Variants in MYO7A observed in about 807,000 individuals in gnomAD.
MYO7A encodes unconventional myosin-VIIa.
A neutral mutation model predicts 263.8 loss-of-function variants in MYO7A; 210 were observed. The observed-to-expected ratio is 0.80, with a 90% CI of 0.71 to 0.89. The LOEUF (loss-of-function observed/expected upper bound fraction) is 0.89, where lower values mean the gene tolerates loss of function less well. Among genes scored for constraint, MYO7A ranks in the 40% least tolerant of loss-of-function variants. MYO7A has a pLI of 0.00. For missense variants in MYO7A, 2,820 were observed against 2,968.3 expected (o/e 0.95, Z 1.16); for synonymous variants, 1,239 against 1,197.3 (o/e 1.03, Z -0.72).
At position 77,158,252 on chromosome 11, in the gene MYO7A, C is replaced by A. The variant is rs575609158; in HGVS notation, c.850-25C>A. ...GGGGTACACTGACGTCCTCTTGCAC[C>A]CCACTCTCCCACCCTGCCCACCAGG... On this transcript the variant is annotated intron_variant, in intron 8 of 48. Coordinates refer to ENST00000409709, the MANE Select transcript of MYO7A (RefSeq NM_000260.4). 7 of 1,563,264 alleles carry A rather than the reference C, an allele frequency of 4.5e-6. No individual in the cohort carries two copies. The African/African-American group carries it at 9.5e-5, about 21-fold the overall frequency.
intron 2 of MYO7A, chr11:77,142,418 C>A: frequency 6.2e-5 from 12 of 194,002 alleles, no homozygotes; most frequent in East Asian, 1.6e-4. Flanking sequence ...GGTGTAGATC[C>A]ATGGGGAGAG....
At chr11:77,137,588 G>A (rs1488776962) in intron 2 of MYO7A, among the ~76,000 whole-genome samples, 1 of 152,176 alleles carries the variant, frequency 6.6e-6, no homozygotes, top group African/African-American at 2.4e-5. Flanking sequence ...GGTGGCCTCT[G>A]GCTCACAGCC....
chr11:77,162,461 A>G, intron 13 of MYO7A, 131 bp downstream of exon 13: 2 of 897,304 alleles, frequency 2.2e-6, no homozygotes, highest in Non-Finnish European at 3.5e-6. Flanking sequence ...CTCAGGGGCC[A>G]ATTCAAGTAT....
In MYO7A at chr11:77,213,985, G is replaced by A. The variant is rs1160405376; in HGVS notation, c.6558+6G>A. 6.2e-7 allele frequency: 1 copy of A among 1,614,018 alleles called. No homozygotes were observed. On this transcript the variant is annotated splice_donor_region_variant and intron_variant, in intron 48 of 48. Coordinates refer to ENST00000409709, the MANE Select transcript of MYO7A (RefSeq NM_000260.4). ...TGCTCTGCGAGACGTCACTGGTGAGGGCGCATCCTGCTGGGCCTAGTGGGC... is the reference window on the plus strand; with the variant it reads ...TGCTCTGCGAGACGTCACTGGTGAGAGCGCATCCTGCTGGGCCTAGTGGGC...
At position 77,181,605 on chromosome 11, in the gene MYO7A, CA is replaced by C; in HGVS notation, c.2904+17del. 1 of 1,610,066 alleles carries C rather than the reference CA, an allele frequency of 6.2e-7. No homozygotes were observed. The highest frequency in any genetic ancestry group is 8.5e-7 in the Non-Finnish European group (1 of 1,178,076). ...TGGCTTTGAGGTACCAGGCTAGGGA[CA>C]GGGGCTCCAGAGGCCCACACACACC... On this transcript the variant is annotated intron_variant, in intron 23 of 48. Transcript: ENST00000409709.
In MYO7A at chr11:77,189,433, G is replaced by C. The variant is rs782070560; in HGVS notation, c.3593G>C (p.Cys1198Ser). Residue 1198 changes from cysteine (C) to serine (S), a missense_variant, in exon 28 of 49, where the codon TGC becomes TCC. Transcript: ENST00000409709. ...YARGWILVSL[C>S]VGCFAPSEKF... ...CGGGGCTGGATTCTCGTGTCTCTCT[G>C]CGTGGGCTGTTTCGCCCCCTCCGAG... The C allele has an allele frequency of 6.2e-7, 1 of 1,613,904 alleles. No homozygotes were observed. Among genetic ancestry groups the C allele is most frequent in the Non-Finnish European group, 8.5e-7 (1 of 1,179,892 alleles).
chr11:77,190,405 C>G (rs1955969107), intron 29 of MYO7A, among the ~76,000 whole-genome samples: 1 of 152,178 alleles, frequency 6.6e-6, no homozygotes, highest in Non-Finnish European at 1.5e-5. Flanking sequence ...ATGCCTTTAC[C>G]TGCCACATGG....
chr11:77,194,166 G>T (rs918296217), intron 31 of MYO7A, 188 bp from the exon 32 acceptor site: 2 of 751,544 alleles, frequency 2.7e-6, no homozygotes, highest in Non-Finnish European at 4.6e-6. Flanking sequence ...CTGCCCTTGG[G>T]GAGCTCATGG....
chr11:77,153,064 G>A (rs1376672692), intron 4 of MYO7A, among the ~76,000 whole-genome samples: 1 of 152,176 alleles, frequency 6.6e-6, no homozygotes, highest in East Asian at 1.9e-4. Flanking sequence ...AACAGCTGGA[G>A]GGTTTTCAGC....
intron 8 of MYO7A, among the ~76,000 whole-genome samples, chr11:77,157,692 C>T (rs1048206554): frequency 2.0e-5 from 3 of 152,180 alleles, no homozygotes; most frequent in Non-Finnish European, 4.4e-5. Flanking sequence ...GCCACATGGA[C>T]GTAAGTGTGG....
chr11:77,190,883 G>T lies in MYO7A; in HGVS notation c.3924+13G>T. On this transcript the variant is annotated intron_variant, in intron 30 of 48. Transcript: ENST00000409709. ...CCTGTTTGACAAGGTATGGCCGCCCGGAAGCACCTCCTCCCGGAAGCACCT... is the reference window on the plus strand; with the variant it reads ...CCTGTTTGACAAGGTATGGCCGCCCTGAAGCACCTCCTCCCGGAAGCACCT... 1 of 1,533,590 alleles carries T rather than the reference G, an allele frequency of 6.5e-7. No individual in the cohort carries two copies. Among genetic ancestry groups the T allele is most frequent in the South Asian group, 1.2e-5 (1 of 83,244 alleles). The allele number at this position is 1,533,590 out of a possible 1,614,324, so 95.0% of individuals were successfully genotyped here. A position where few individuals can be genotyped will look rare whatever the true frequency, so the allele number is the denominator to read the frequency against.
intron 22 of MYO7A, 29 bp from the exon 23 acceptor site, chr11:77,181,351 G>T: frequency 6.5e-7 from 1 of 1,535,716 alleles, no homozygotes; most frequent in African/African-American, 1.4e-5. Context: ...GGCTGACCCC[G>T]TGTCTTCTGT....
rs1281366817 is a variant in MYO7A at position 77,158,410 on chromosome 11, T to A, written c.983T>A (p.Leu328Gln). The change falls in exon 9 of 49, where the codon CTG becomes CAG. Residue 328 changes from leucine to glutamine, a missense_variant. Transcript: ENST00000409709. Reference protein sequence around the residue: ...ISKLLAAILHLGNLQYEARTF... With the variant: ...ISKLLAAILHQGNLQYEARTF... The stretch of plus-strand genomic sequence containing the variant: ...AAGCTCCTGGCTGCCATCCTGCACC[T>A]GGGCAACCTGCAGTATGAGGGTGAG... 6.2e-7 allele frequency: 1 copy of A among 1,612,066 alleles called. No homozygotes were observed. The highest frequency in any genetic ancestry group is 1.3e-5 in the African/African-American group (1 of 74,838).
intron 29 of MYO7A, 107 bp from the exon 30 acceptor site, chr11:77,190,575 AGGTACTGGGGCCTGG>A: frequency 1.8e-5 from 6 of 327,960 alleles, no homozygotes; most frequent in Non-Finnish European, 2.8e-5. Context: ...TGTCCCAGTG[AGGTACTGGGGCCTGG>A]GGTGCTGGGG....
At chr11:77,206,027 C>A in intron 40 of MYO7A, 70 bp from the exon 41 acceptor site, 2 of 1,250,574 alleles carry the variant, frequency 1.6e-6, no homozygotes, top group South Asian at 1.3e-5. Flanking sequence ...TGTCTGCCTC[C>A]AAGTGTCCCG....
At chr11:77,129,738 CT>C (rs1444180001) in intron 1 of MYO7A, among the ~76,000 whole-genome samples, 6 of 152,154 alleles carry the variant, frequency 3.9e-5, no homozygotes, top group African/African-American at 1.4e-4. Flanking sequence ...GGAAGGCTTC[CT>C]GGAGGAGGTA....
chr11:77,155,612 C>T (rs187238610), intron 4 of MYO7A, among the ~76,000 whole-genome samples: 2 of 152,358 alleles, frequency 1.3e-5, no homozygotes, highest in Admixed American at 6.5e-5. Flanking sequence ...CTTTAATCTT[C>T]ACAAACAGTT....
chr11:77,173,116 C>T (rs1177774024), intron 16 of MYO7A, among the ~76,000 whole-genome samples: 1 of 152,204 alleles, frequency 6.6e-6, no homozygotes, highest in Non-Finnish European at 1.5e-5. Flanking sequence ...CCTGCCTCTA[C>T]CATGTACAAG....
At chr11:77,207,208 G>C in intron 41 of MYO7A, 81 bp from the exon 42 acceptor site, 2 of 948,536 alleles carry the variant, frequency 2.1e-6, no homozygotes, top group Non-Finnish European at 3.3e-6. Context: ...GCTCAGTATA[G>C]GAGGCATAGC....
Sources: allele counts gnomAD v4.1 joint callset (sites outside exome capture counted in the v4.1 genomes callset), GRCh38; gene constraint gnomAD v4.1.1; transcripts MANE v1.5; gene names NCBI Gene and HGNC (gene_info 2026-07-23, HGNC 2026-07-21).